The following SFT2D1 variants were observed in gnomAD, a reference collection of about 807,000 sequenced individuals.
SFT2D1 encodes the protein SFT2 domain containing 1.
SFT2D1 carries 24 observed loss-of-function variants against 28.1 expected under a neutral mutation model. The observed-to-expected ratio is 0.85, with a 90% CI of 0.62 to 1.20. The LOEUF is 1.20. Among genes scored for constraint, SFT2D1 ranks in the 50% most tolerant of loss-of-function variants. The pLI is 0.00. For synonymous variants in SFT2D1, 82 were observed against 73.7 expected (o/e 1.11, Z -0.58); for missense variants, 181 against 190.9 (o/e 0.95, Z 0.31).
chr6:166,335,167 T>C (rs966458324), intron 1 of SFT2D1: 4 of 621,936 alleles, frequency 6.4e-6, no homozygotes, highest in Non-Finnish European at 1.2e-5. Flanking sequence ...TCGAAGTGCT[T>C]CTGGAAACTT....
At chr6:166,337,599 C>T (rs1284152394) in intron 1 of SFT2D1, among the ~76,000 whole-genome samples, 1 of 152,150 alleles carries the variant, frequency 6.6e-6, no homozygotes, top group Non-Finnish European at 1.5e-5. Context: ...ACCTCACCCA[C>T]ACCTACCATG....
At chr6:166,339,170 T>G (rs1446494598) in intron 1 of SFT2D1, among the ~76,000 whole-genome samples, 1 of 152,024 alleles carries the variant, frequency 6.6e-6, no homozygotes, top group Non-Finnish European at 1.5e-5. Flanking sequence ...GTCCTCACCC[T>G]CTTCTCTGAT....
rs143114200 is a variant in SFT2D1 at position 166,330,247 on chromosome 6, C to T, written c.64G>A (p.Val22Ile). The change falls in exon 2 of 8, where the codon GTC becomes ATC. Residue 22 changes from valine to isoleucine, a missense_variant and splice_region_variant. Val to Ile is a conservative substitution (Grantham distance 29). Transcript: ENST00000361731. Reference sequence around the variant, plus strand: ...AAACTAAGGGATGAGGCATCCAGGACCTTAATAAAAAATGGGAAAATTTAG... The same window carrying T: ...AAACTAAGGGATGAGGCATCCAGGATCTTAATAAAAAATGGGAAAATTTAG... Reference protein sequence around the residue: ...DDEEQGLTAQVLDASSLSFNT... With the variant: ...DDEEQGLTAQILDASSLSFNT... 1.2e-4 allele frequency: 193 copies of T among 1,591,198 alleles called. No homozygotes were observed. The African/African-American group carries it at 2.4e-3, about 20-fold the overall frequency.
rs761599388 is a variant in SFT2D1 at position 166,320,081 on chromosome 6, T to A, written c.*136A>T. The A allele has an allele frequency of 2.0e-5, 14 of 703,388 alleles. No individual in the cohort carries two copies. The highest frequency in any genetic ancestry group is 5.5e-5 in the African/African-American group (3 of 54,410). The allele number at this position is 703,388 out of a possible 1,614,324, so 43.6% of individuals were successfully genotyped here. On this transcript the variant is annotated 3_prime_UTR_variant, in exon 8 of 8. Coordinates refer to ENST00000361731, the MANE Select transcript of SFT2D1 (RefSeq NM_145169.3). Reference sequence around the variant, plus strand: ...ATCAAGCATGTAGTTTTTACCAGTATACAAAATGAGACTTAGTACAAAACG... The same window carrying A: ...ATCAAGCATGTAGTTTTTACCAGTAAACAAAATGAGACTTAGTACAAAACG...
intron 7 of SFT2D1, 136 bp from the exon 8 acceptor site, chr6:166,320,392 T>G: frequency 1.5e-6 from 1 of 657,674 alleles, no homozygotes; most frequent in Admixed American, 3.2e-5. Context: ...AATAAAAACT[T>G]TGTTCAGTAT....
chr6:166,328,964 A>G (rs1778501288), intron 3 of SFT2D1, among the ~76,000 whole-genome samples: 1 of 152,182 alleles, frequency 6.6e-6, no homozygotes, highest in Non-Finnish European at 1.5e-5. Context: ...CACAGCACCA[A>G]TGCCATCCCA....
At chr6:166,329,285 T>A (rs573805815) in intron 3 of SFT2D1, among the ~76,000 whole-genome samples, 17 of 152,282 alleles carry the variant, frequency 1.1e-4, no homozygotes, top group Admixed American at 7.8e-4. Flanking sequence ...CAGACACACA[T>A]TAAGTGCCCC....
chr6:166,330,237 G>A lies in SFT2D1; in HGVS notation c.74C>T (p.Ala25Val). The A allele has an allele frequency of 6.2e-7, 1 of 1,601,454 alleles. No homozygotes were observed. The highest frequency in any genetic ancestry group is 8.5e-7 in the Non-Finnish European group (1 of 1,175,504). Residue 25 changes from alanine to valine, a missense_variant, in exon 2 of 8, where the codon GCC becomes GTC. Transcript: ENST00000361731. Reference protein sequence around the residue: ...EQGLTAQVLDASSLSFNTRLK... With the variant: ...EQGLTAQVLDVSSLSFNTRLK... ...TCTGGTGTTGAAACTAAGGGATGAGGCATCCAGGACCTTAATAAAAAATGG... is the reference window on the plus strand; with the variant it reads ...TCTGGTGTTGAAACTAAGGGATGAGACATCCAGGACCTTAATAAAAAATGG...
chr6:166,322,960 A>G (rs1778384236), intron 6 of SFT2D1, 74 bp from the exon 7 acceptor site: 15 of 1,234,838 alleles, frequency 1.2e-5, no homozygotes, highest in Non-Finnish European at 1.8e-5. Context: ...GGCCATGTCT[A>G]ACCTTATAAT....
intron 1 of SFT2D1, among the ~76,000 whole-genome samples, chr6:166,330,992 G>A (rs1778539563): frequency 6.6e-6 from 1 of 152,200 alleles, no homozygotes; most frequent in East Asian, 1.9e-4. Context: ...AAAACATACT[G>A]TGAAATGATC....
At chr6:166,340,743 T>G (rs1778762839) in intron 1 of SFT2D1, among the ~76,000 whole-genome samples, 1 of 152,262 alleles carries the variant, frequency 6.6e-6, no homozygotes, top group Non-Finnish European at 1.5e-5. Context: ...TTCCTCCAAT[T>G]AAAATTTAAG....
chr6:166,342,143 G>A (rs557707443), intron 1 of SFT2D1, among the ~76,000 whole-genome samples: 24 of 152,326 alleles, frequency 1.6e-4, no homozygotes, highest in African/African-American at 5.5e-4. Context: ...TGGATTATTT[G>A]GGAAAGCGAG....
intron 4 of SFT2D1, among the ~76,000 whole-genome samples, chr6:166,327,407 C>T (rs186587237): frequency 2.4e-4 from 37 of 152,238 alleles, no homozygotes; most frequent in African/African-American, 7.7e-4. Flanking sequence ...CTCATCTACC[C>T]GCCACCCAGG....
chr6:166,341,966 C>T (rs1334943745), intron 1 of SFT2D1, among the ~76,000 whole-genome samples: 1 of 152,168 alleles, frequency 6.6e-6, no homozygotes, highest in Non-Finnish European at 1.5e-5. Context: ...CCAGCAAACA[C>T]ACACATAACA....
At chr6:166,325,625 C>T (rs891541074) in intron 5 of SFT2D1, among the ~76,000 whole-genome samples, 17 of 152,252 alleles carry the variant, frequency 1.1e-4, no homozygotes, top group Non-Finnish European at 2.9e-5. Flanking sequence ...AGACTCACAG[C>T]GCACCCCTGC....
chr6:166,339,736 C>T (rs553287868), intron 1 of SFT2D1, among the ~76,000 whole-genome samples: 1 of 152,336 alleles, frequency 6.6e-6, no homozygotes, highest in Non-Finnish European at 1.5e-5. Context: ...ATCCTTCTCT[C>T]TTGGTTCTCC....
rs11168 is a variant in SFT2D1, at chr6:166,342,491, A to C, written c.-10T>G. On this transcript the variant is annotated 5_prime_UTR_variant, in exon 1 of 8. Transcript: ENST00000361731. Reference sequence around the variant, plus strand: ...GCCGCAGCTTCTCCATGGCCCTGTTACAGGGCCGTAGCGGCCGCCACTCTG... The same window carrying C: ...GCCGCAGCTTCTCCATGGCCCTGTTCCAGGGCCGTAGCGGCCGCCACTCTG... 0.76 allele frequency: 1,170,048 copies of C among 1,546,210 alleles called. 444,768 individuals are homozygous for C. Among genetic ancestry groups the C allele is most frequent in the East Asian group, 0.93 (37,889 of 40,888 alleles).
At chr6:166,330,827 A>T (rs111952596) in intron 1 of SFT2D1, among the ~76,000 whole-genome samples, 2 of 152,186 alleles carry the variant, frequency 1.3e-5, no homozygotes, top group Non-Finnish European at 2.9e-5. Flanking sequence ...GGGTGGGGTG[A>T]CTGCACCCCA....
At chr6:166,342,367 G>A in intron 1 of SFT2D1, 52 bp downstream of exon 1, 4 of 1,511,792 alleles carry the variant, frequency 2.6e-6, no homozygotes, top group East Asian at 2.5e-5. Flanking sequence ...TCCTCAGTGC[G>A]GCCGGGGCCA....
Sources: allele counts gnomAD v4.1 joint callset (sites outside exome capture counted in the v4.1 genomes callset), GRCh38; gene constraint gnomAD v4.1.1; transcripts MANE v1.5; gene names NCBI Gene and HGNC (gene_info 2026-07-23, HGNC 2026-07-21).